ECHDC2: variants seen among roughly 807,000 people sequenced by gnomAD.
ECHDC2 encodes enoyl-CoA hydratase domain containing 2.
A neutral mutation model predicts 40.6 loss-of-function variants in ECHDC2; 34 were observed. The observed-to-expected ratio is 0.84, with a 90% CI of 0.64 to 1.11. The LOEUF is 1.11. ECHDC2 is among the 50% of genes most tolerant of loss of function. The pLI, the probability that ECHDC2 is intolerant of heterozygous loss-of-function variation, is 0.00. For synonymous variants in ECHDC2, 162 were observed against 166.6 expected, an observed-to-expected ratio of 0.97 and a Z score of 0.21; for missense variants, 392 against 400.7, an observed-to-expected ratio of 0.98 and a Z score of 0.19.
At chr1:52,921,175 C>T (rs932473712) in intron 1 of ECHDC2, among the ~76,000 whole-genome samples, 3 of 152,246 alleles carry the variant, frequency 2.0e-5, no homozygotes, top group Non-Finnish European at 4.4e-5. Flanking sequence ...GGGACTGGCT[C>T]CGCTGCCTCC....
chr1:52,909,496 A>T (rs1322931741), intron 3 of ECHDC2, among the ~76,000 whole-genome samples: 1 of 150,414 alleles, frequency 6.6e-6, no homozygotes, highest in East Asian at 1.9e-4. Context: ...CATAAAATAC[A>T]CTAACACCAA....
chr1:52,920,416 C>T (rs1482436607), intron 1 of ECHDC2: 3 of 893,930 alleles, frequency 3.4e-6, no homozygotes, highest in Non-Finnish European at 3.6e-6. Context: ...TGTCCGGCCA[C>T]GAAGGTGGCA....
chr1:52,896,748 C>G lies in ECHDC2; in HGVS notation c.802-151G>C, dbSNP rs888870459. 5.8e-5 allele frequency: 37 copies of G among 637,574 alleles called. No homozygotes were observed. In the East Asian group the frequency reaches 1.0e-3, roughly 18 times the overall value. The allele number at this position is 637,574 out of a possible 1,614,324, so 39.5% of individuals were successfully genotyped here. A position where few individuals can be genotyped will look rare whatever the true frequency, so the allele number is the denominator to read the frequency against. ...TCTTGAGGCATGCAAAGGTATAAGC[C>G]TCCGTGGCTGCTTTGTCTCCTGGGG... On this transcript the variant is annotated intron_variant, in intron 9 of 9. Transcript: ENST00000371522.
Position 52,921,674 on chromosome 1 carries a change from C to T in ECHDC2, c.-1G>A. 6.4e-7 allele frequency: 1 copy of T among 1,561,356 alleles called. No homozygotes were observed. Among genetic ancestry groups the T allele is most frequent in the Non-Finnish European group, 8.7e-7 (1 of 1,156,044 alleles). The stretch of plus-strand genomic sequence containing the variant: ...GCAGGAGGCACAGAACGCGCAGCAT[C>T]GGGGCGCAGGCTGGGAGTGAAGGTG... On this transcript the variant is annotated 5_prime_UTR_variant, in exon 1 of 10. Coordinates refer to ENST00000371522, the MANE Select transcript of ECHDC2 (RefSeq NM_001198961.2).
chr1:52,910,315 G>A (rs1301044597), intron 3 of ECHDC2, among the ~76,000 whole-genome samples: 4 of 133,006 alleles, frequency 3.0e-5, no homozygotes, highest in Non-Finnish European at 4.7e-5. Flanking sequence ...TGGTTAAAAC[G>A]GTAAATTTTG....
At chr1:52,906,840 C>A (rs1260354227) in intron 4 of ECHDC2, among the ~76,000 whole-genome samples, 1 of 150,560 alleles carries the variant, frequency 6.6e-6, no homozygotes, top group Non-Finnish European at 1.5e-5. Context: ...TCTTGGCTCA[C>A]TGCAACCTCT....
chr1:52,913,849 C>T lies in ECHDC2; in HGVS notation c.122-2059G>A, dbSNP rs186860529. ...GGGTTTACACAGATGCATAATGACA[C>T]GTATCTGCCTTGGCTTTGGCAGGCC... is the stretch of plus-strand genomic sequence containing the variant. On this transcript the variant is annotated intron_variant, in intron 1 of 9. Transcript: ENST00000371522. 1.1e-5 allele frequency: 10 copies of T among 907,208 alleles called. No individual in the cohort carries two copies. The East Asian group carries it at 3.0e-4, about 27-fold the overall frequency. The allele number at this position is 907,208 out of a possible 1,614,324, so 56.2% of individuals were successfully genotyped here.
chr1:52,910,782 G>A (rs754756055), intron 3 of ECHDC2, among the ~76,000 whole-genome samples: 2 of 152,206 alleles, frequency 1.3e-5, no homozygotes, highest in Non-Finnish European at 2.9e-5. Context: ...AAACGAGAAC[G>A]GAAGTGAGCA....
rs771294907 is a variant in ECHDC2, at chr1:52,911,639, CAG to C, written c.202_203del (p.Leu68GlyfsTer36). The part of the protein sequence containing the change: ...NVFVSELLET[L>X]AQLREDRQVR... ...CTTGCCGGTCCTCCCGCAGCTGGGCCAGAGTTTCCAGCAGCTACAGAGGACAC... is the reference window on the plus strand; with the variant it reads ...CTTGCCGGTCCTCCCGCAGCTGGGCCAGTTTCCAGCAGCTACAGAGGACAC... On this transcript the variant is annotated frameshift_variant, in exon 3 of 10. Coordinates refer to ENST00000371522, the MANE Select transcript of ECHDC2 (RefSeq NM_001198961.2). LOFTEE classifies it high-confidence loss of function. 3.7e-5 allele frequency: 60 copies of C among 1,614,064 alleles called. No homozygotes were observed. Among genetic ancestry groups the C allele is most frequent in the African/African-American group, 9.3e-5 (7 of 74,924 alleles).
At chr1:52,907,738 G>T in intron 4 of ECHDC2, 130 bp downstream of exon 4, 1 of 755,510 alleles carries the variant, frequency 1.3e-6, no homozygotes, top group Non-Finnish European at 2.2e-6. Context: ...ATCCCCCTGG[G>T]TGAGTCATCT....
intron 1 of ECHDC2, chr1:52,915,356 G>A: frequency 2.2e-6 from 1 of 456,008 alleles, no homozygotes. Flanking sequence ...GACACAGAAA[G>A]GCCAATGAAA....
intron 8 of ECHDC2, chr1:52,898,864 G>A: frequency 2.2e-6 from 1 of 453,180 alleles, no homozygotes; most frequent in African/African-American, 2.0e-5. Flanking sequence ...AGCATGGACT[G>A]GCAGCCACAC....
Position 52,904,467 on chromosome 1 carries a change from A to G in ECHDC2, c.702+179T>C, listed in dbSNP as rs77306956. ...TCCAGCCCTTTGGAATTCAATTTAC[A>G]TTTTAATTCAGAATTAAAATTTGAC... On this transcript the variant is annotated intron_variant, in intron 7 of 9. Transcript: ENST00000371522. Among the ~76,000 whole-genome samples the G allele has an allele frequency of 7.5e-3, 1,148 of 152,370 alleles. 11 individuals are homozygous for G. Among genetic ancestry groups the G allele is most frequent in the African/African-American group, 0.026 (1,083 of 41,574 alleles).
At chr1:52,921,495 C>G (rs987898940) in intron 1 of ECHDC2, 58 bp downstream of exon 1, 2 of 1,552,226 alleles carry the variant, frequency 1.3e-6, no homozygotes, top group African/African-American at 2.8e-5. Flanking sequence ...GCCGGTCCCC[C>G]GCTGCCTCCG....
chr1:52,921,094 CTA>C (rs2150078093), intron 1 of ECHDC2, among the ~76,000 whole-genome samples: 1 of 152,390 alleles, frequency 6.6e-6, no homozygotes, highest in East Asian at 1.9e-4. Context: ...CAAAGGTTCG[CTA>C]GCGGCCCAGG....
At chr1:52,920,302 G>GC in intron 1 of ECHDC2, 1 of 599,044 alleles carries the variant, frequency 1.7e-6, no homozygotes, top group African/African-American at 1.9e-5. Context: ...GTGGGCAACA[G>GC]CAGGGAGCAA....
chr1:52,912,166 T>A, intron 1 of ECHDC2: 1 of 508,272 alleles, frequency 2.0e-6, no homozygotes, highest in Non-Finnish European at 2.7e-6. Flanking sequence ...TCCCTCCATA[T>A]TCATCTTTTT....
intron 3 of ECHDC2, among the ~76,000 whole-genome samples, chr1:52,909,793 A>G (rs890368112): frequency 1.3e-5 from 2 of 152,158 alleles, no homozygotes; most frequent in Admixed American, 6.5e-5. Context: ...AACATTTTCA[A>G]TCTGCGGTTG....
At chr1:52,913,826 G>T in intron 1 of ECHDC2, 2 of 748,108 alleles carry the variant, frequency 2.7e-6, no homozygotes, top group Non-Finnish European at 3.5e-6. Context: ...CACTCTGTGG[G>T]TTTACACAGA....
Sources: allele counts gnomAD v4.1 joint callset (sites outside exome capture counted in the v4.1 genomes callset), GRCh38; gene constraint gnomAD v4.1.1; transcripts MANE v1.5; gene names NCBI Gene and HGNC (gene_info 2026-07-23, HGNC 2026-07-21).